The following SOX5 variants were observed in gnomAD, a reference collection of about 807,000 sequenced individuals.
SOX5 encodes SRY-box transcription factor 5, also known as transcription factor SOX-5.
A neutral mutation model predicts 92.0 loss-of-function variants in SOX5; 9 were observed. That is an observed-to-expected ratio of 0.10 (90% confidence interval 0.06 to 0.17). The LOEUF (loss-of-function observed/expected upper bound fraction) is 0.17, where lower values mean the gene tolerates loss of function less well. SOX5 is among the 10% of genes least tolerant of loss of function. The pLI, the probability that SOX5 is intolerant of heterozygous loss-of-function variation, is 1.00. For synonymous variants in SOX5, 344 were observed against 336.3 expected (o/e 1.02, Z -0.25); for missense variants, 642 against 944.5 (o/e 0.68, Z 4.20).
chr12:23,773,743 T>A (rs767906597), intron 3 of SOX5, among the ~76,000 whole-genome samples: 2 of 152,086 alleles, frequency 1.3e-5, no homozygotes, highest in Non-Finnish European at 2.9e-5. Context: ...GAGTTTTACA[T>A]ATTTGCAGGT....
chr12:23,774,842 A>T (rs1426605086), intron 3 of SOX5, among the ~76,000 whole-genome samples: 1 of 152,198 alleles, frequency 6.6e-6, no homozygotes, highest in Non-Finnish European at 1.5e-5. Context: ...GTATTAAACA[A>T]TTTACACAGA....
chr12:23,924,932 C>T (rs4581549), intron 1 of SOX5, among the ~76,000 whole-genome samples: 17,528 of 151,940 alleles, frequency 0.12, 1,512 homozygotes, highest in East Asian at 0.36. Context: ...ACTTTGTTCA[C>T]TTGTTTATCT....
chr12:23,843,554 CTTTTTTTTTTTT>C (rs71059931), intron 3 of SOX5, among the ~76,000 whole-genome samples: 3 of 71,330 alleles, frequency 4.2e-5, no homozygotes, highest in East Asian at 1.2e-3. Flanking sequence ...GTCATTTCTC[CTTTTTTTTTTTT>C]TTTTTTTTTT....
chr12:24,031,748 G>GA (rs901213319), intron 4 of SOX5, among the ~76,000 whole-genome samples: 109 of 147,382 alleles, frequency 7.4e-4, no homozygotes, highest in African/African-American at 2.3e-3. Context: ...CATGCAGCAT[G>GA]AAAAAAAAAA....
In SOX5 at chr12:23,958,703, A is replaced by G. The variant is rs548957846; in HGVS notation, c.-1-62679T>C. Among the ~76,000 whole-genome samples, 56 of 135,600 alleles carry G rather than the reference A, an allele frequency of 4.1e-4. No individual in the cohort carries two copies. The South Asian group carries it at 0.014, about 33-fold the overall frequency. 89.0% of individuals were successfully genotyped at this position (135,600 alleles called of 152,430 possible). A position where few individuals can be genotyped will look rare whatever the true frequency, so the allele number is the denominator to read the frequency against. On this transcript the variant is annotated intron_variant, in intron 4 of 4. Transcript: ENST00000446891. ...AAAATTATAAAAGTGTTATTTTATA[A>G]ACAAAATTATGTGGGGATTTTAAGT... is the stretch of plus-strand genomic sequence containing the variant.
chr12:23,535,083 C>CTGTT (rs529126293), intron 14 of SOX5, among the ~76,000 whole-genome samples: 1 of 152,142 alleles, frequency 6.6e-6, no homozygotes, highest in Admixed American at 6.5e-5. Context: ...ATTCTTAATC[C>CTGTT]TGTTTGTTAC....
chr12:23,895,628 T>C (rs2097169523), intron 2 of SOX5, among the ~76,000 whole-genome samples, 165 bp downstream of exon 2: 1 of 152,234 alleles, frequency 6.6e-6, no homozygotes, highest in Non-Finnish European at 1.5e-5. Flanking sequence ...TATCTTATGC[T>C]GCTTATTGGA....
chr12:23,853,139 T>C (rs149751057), intron 2 of SOX5, among the ~76,000 whole-genome samples: 1,705 of 149,814 alleles, frequency 0.011, 27 homozygotes, highest in African/African-American at 0.038. Context: ...TATATATATA[T>C]ACACACACAT....
intron 4 of SOX5, among the ~76,000 whole-genome samples, chr12:24,033,867 T>C (rs141046924): frequency 2.0e-4 from 30 of 152,170 alleles, no homozygotes; most frequent in African/African-American, 6.5e-4. Context: ...GGATTAGGAA[T>C]AGCCAAAACC....
intron 4 of SOX5, among the ~76,000 whole-genome samples, chr12:23,996,520 A>G (rs1038633145): frequency 6.6e-6 from 1 of 152,240 alleles, no homozygotes; most frequent in Non-Finnish European, 1.5e-5. Context: ...TGTTCAAAGC[A>G]GCACTATTCA....
At chr12:24,016,365 T>C (rs1260068876) in intron 4 of SOX5, among the ~76,000 whole-genome samples, 1 of 152,180 alleles carries the variant, frequency 6.6e-6, no homozygotes, top group Non-Finnish European at 1.5e-5. Flanking sequence ...CATTTGCTTA[T>C]GGACGAGTAA....
At chr12:23,911,902 A>G (rs1034958793) in intron 1 of SOX5, among the ~76,000 whole-genome samples, 5 of 152,146 alleles carry the variant, frequency 3.3e-5, no homozygotes, top group African/African-American at 9.7e-5. Flanking sequence ...ATGGTTTGCT[A>G]CATTCGACAC....
Position 24,520,768 on chromosome 12 carries a change from C to T in SOX5, c.-251+41561G>A, listed in dbSNP as rs540234241. Among the ~76,000 whole-genome samples, 3 of 152,226 alleles carry T rather than the reference C, an allele frequency of 2.0e-5. No homozygotes were observed. The East Asian group carries it at 5.8e-4, about 29-fold the overall frequency. On this transcript the variant is annotated intron_variant, in intron 1 of 4. Coordinates refer to the SOX5 transcript ENST00000446891. Reference sequence around the variant, plus strand: ...AAGACTCACTTTAGAATTAGAGATACACATCAGCTGAAAGTGAAAGGATGG... The same window carrying T: ...AAGACTCACTTTAGAATTAGAGATATACATCAGCTGAAAGTGAAAGGATGG...
At chr12:24,391,395 T>C (rs1331510920) in intron 1 of SOX5, among the ~76,000 whole-genome samples, 1 of 152,190 alleles carries the variant, frequency 6.6e-6, no homozygotes, top group Non-Finnish European at 1.5e-5. Flanking sequence ...AGTACATGTA[T>C]AGGTACATGC....
At chr12:24,470,350 G>A (rs1597052603) in intron 1 of SOX5, among the ~76,000 whole-genome samples, 1 of 152,164 alleles carries the variant, frequency 6.6e-6, no homozygotes, top group African/African-American at 2.4e-5. Context: ...CACAATAAGG[G>A]AGGTAACTAG....
chr12:24,281,872 C>T lies in SOX5; in HGVS notation c.-173-4560G>A, dbSNP rs1400283963. ...AGCTAGGCTGGTACTAAAGCAGATGCCAGATGGGGAAAGGAGAAAATATAC... is the reference window on the plus strand; with the variant it reads ...AGCTAGGCTGGTACTAAAGCAGATGTCAGATGGGGAAAGGAGAAAATATAC... On this transcript the variant is annotated intron_variant, in intron 2 of 4. Coordinates refer to the SOX5 transcript ENST00000446891. 2.0e-5 allele frequency among the ~76,000 whole-genome samples: 3 copies of T among 152,050 alleles called. No individual in the cohort carries two copies. In the East Asian group the frequency reaches 5.8e-4, roughly 29 times the overall value.
intron 3 of SOX5, among the ~76,000 whole-genome samples, chr12:24,214,699 A>G (rs1959031495): frequency 6.6e-6 from 1 of 152,120 alleles, no homozygotes; most frequent in South Asian, 2.1e-4. Context: ...TAATGACAAT[A>G]CTTCAAACTG....
chr12:23,558,109 T>C (rs1945543921), intron 11 of SOX5, among the ~76,000 whole-genome samples: 1 of 152,186 alleles, frequency 6.6e-6, no homozygotes, highest in Non-Finnish European at 1.5e-5. Context: ...GTCATTTTTG[T>C]AATATGCCTG....
chr12:24,551,317 G>C (rs1953136748), intron 1 of SOX5, among the ~76,000 whole-genome samples: 2 of 141,218 alleles, frequency 1.4e-5, no homozygotes, highest in African/African-American at 5.4e-5. Flanking sequence ...AATGAAAGTG[G>C]AATTGTCCAT....
Sources: allele counts gnomAD v4.1 joint callset (sites outside exome capture counted in the v4.1 genomes callset), GRCh38; gene constraint gnomAD v4.1.1; transcripts MANE v1.5; gene names NCBI Gene and HGNC (gene_info 2026-07-23, HGNC 2026-07-21).